Variants in KCNIP1 observed in about 807,000 individuals in gnomAD.
KCNIP1 encodes the protein A-type potassium channel modulatory protein KCNIP1.
In KCNIP1, 18 loss-of-function variants were observed where a neutral mutation model predicts 33.0. That is an observed-to-expected ratio of 0.55 (90% CI 0.38 to 0.81). The LOEUF is 0.81. Among genes scored for constraint, KCNIP1 ranks in the 30% least tolerant of loss-of-function variants. The pLI is 0.00. For missense variants in KCNIP1, 238 were observed against 271.6 expected (o/e 0.88, Z 0.87); for synonymous variants, 93 against 98.3 (o/e 0.95, Z 0.32).
chr5:170,689,206 GCTCATTTTTA>G (rs1239866718), intron 1 of KCNIP1, among the ~76,000 whole-genome samples: 3 of 152,188 alleles, frequency 2.0e-5, no homozygotes, highest in Admixed American at 1.3e-4. Context: ...TCATTCACTT[GCTCATTTTTA>G]CATGAATTGA....
chr5:170,733,702 G>A, intron 6 of KCNIP1, 134 bp from the exon 7 acceptor site: 2 of 690,822 alleles, frequency 2.9e-6, no homozygotes. Flanking sequence ...CTCATTCTCA[G>A]GGCAAAGTTG....
intron 1 of KCNIP1, among the ~76,000 whole-genome samples, chr5:170,445,962 A>G (rs902442715): frequency 1.3e-5 from 2 of 152,208 alleles, no homozygotes; most frequent in African/African-American, 4.8e-5. Flanking sequence ...TGCTAAGACA[A>G]GGGAAATTGC....
chr5:170,510,681 G>A (rs1005893166), intron 1 of KCNIP1, among the ~76,000 whole-genome samples: 7 of 152,276 alleles, frequency 4.6e-5, no homozygotes, highest in Non-Finnish European at 8.8e-5. Context: ...CTAGCTTCCC[G>A]TACCCCAGCC....
intron 1 of KCNIP1, among the ~76,000 whole-genome samples, chr5:170,496,836 C>G (rs1012091502): frequency 6.6e-6 from 1 of 152,190 alleles, no homozygotes; most frequent in Non-Finnish European, 1.5e-5. Context: ...CACCTCAGCC[C>G]TGCTCTGCTC....
chr5:170,641,775 G>T (rs1361348142), intron 1 of KCNIP1, among the ~76,000 whole-genome samples: 1 of 152,214 alleles, frequency 6.6e-6, no homozygotes, highest in East Asian at 1.9e-4. Context: ...CTACGACATT[G>T]GCTTCAAAGA....
At chr5:170,606,640 G>A (rs1435603490) in intron 1 of KCNIP1, among the ~76,000 whole-genome samples, 1 of 152,158 alleles carries the variant, frequency 6.6e-6, no homozygotes, top group Non-Finnish European at 1.5e-5. Context: ...TGGGACCCGG[G>A]AGGGGCAGGC....
At position 170,426,960 on chromosome 5, in the gene KCNIP1, G is replaced by A. The variant is rs60619557; in HGVS notation, c.88+72996G>A. On this transcript the variant is annotated intron_variant, in intron 1 of 7. Coordinates refer to the KCNIP1 transcript ENST00000377360. ...CTCCACAGGGAGAGGGAAGAGGCGCGGCCGCAGGACCAGCTCCACAGGGAG... is the reference window on the plus strand; with the variant it reads ...CTCCACAGGGAGAGGGAAGAGGCGCAGCCGCAGGACCAGCTCCACAGGGAG... Among the ~76,000 whole-genome samples, 1,263 of 152,266 alleles carry A rather than the reference G, an allele frequency of 8.3e-3. 17 individuals carry two copies. The highest frequency in any genetic ancestry group is 0.029 in the African/African-American group (1,213 of 41,566).
At chr5:170,372,361 A>G (rs1266720619) in intron 1 of KCNIP1, among the ~76,000 whole-genome samples, 3 of 152,164 alleles carry the variant, frequency 2.0e-5, no homozygotes, top group African/African-American at 4.8e-5. Context: ...AAGCCCCCCA[A>G]ACCCTATTAT....
intron 1 of KCNIP1, among the ~76,000 whole-genome samples, chr5:170,669,177 A>G (rs549777074): frequency 6.6e-6 from 1 of 152,328 alleles, no homozygotes; most frequent in South Asian, 2.1e-4. Flanking sequence ...TGAACGATGA[A>G]TGAATGAATG....
chr5:170,427,070 G>A (rs1755630947), intron 1 of KCNIP1, among the ~76,000 whole-genome samples: 1 of 152,246 alleles, frequency 6.6e-6, no homozygotes, highest in African/African-American at 2.4e-5. Flanking sequence ...TGGAGCAGGG[G>A]CTGCAGGTTC....
chr5:170,454,004 C>A (rs757279773), intron 1 of KCNIP1, among the ~76,000 whole-genome samples: 1 of 152,180 alleles, frequency 6.6e-6, no homozygotes, highest in Non-Finnish European at 1.5e-5. Flanking sequence ...ACAGCTGAAC[C>A]GTGTCCATTC....
chr5:170,390,243 C>T (rs546280427), intron 1 of KCNIP1, among the ~76,000 whole-genome samples: 3 of 152,232 alleles, frequency 2.0e-5, no homozygotes, highest in South Asian at 2.1e-4. Context: ...CAGTGGCCCA[C>T]GCCCATAATC....
At chr5:170,357,615 G>A (rs946181242) in intron 1 of KCNIP1, among the ~76,000 whole-genome samples, 2 of 152,130 alleles carry the variant, frequency 1.3e-5, no homozygotes, top group Non-Finnish European at 2.9e-5. Flanking sequence ...CTGCAGCCTC[G>A]ACTTTCTGGG....
chr5:170,532,409 A>C (rs1476989472), intron 1 of KCNIP1, among the ~76,000 whole-genome samples: 1 of 152,090 alleles, frequency 6.6e-6, no homozygotes, highest in African/African-American at 2.4e-5. Flanking sequence ...GTTGACATCC[A>C]TTGACATGTC....
intron 1 of KCNIP1, among the ~76,000 whole-genome samples, chr5:170,624,077 G>A (rs889769612): frequency 3.3e-5 from 5 of 152,314 alleles, no homozygotes; most frequent in Admixed American, 2.0e-4. Context: ...CTCAGCTCCC[G>A]GGCCCAGGTT....
intron 1 of KCNIP1, among the ~76,000 whole-genome samples, chr5:170,357,036 G>A (rs1451873334): frequency 6.6e-6 from 1 of 152,114 alleles, no homozygotes; most frequent in East Asian, 1.9e-4. Context: ...GGCTGGGTGG[G>A]CAGGCTTCTG....
In KCNIP1 at chr5:170,736,026, C is replaced by T. The variant is rs1764376288; in HGVS notation, c.*220C>T. On this transcript the variant is annotated 3_prime_UTR_variant, in exon 8 of 8. Transcript: ENST00000328939. The stretch of plus-strand genomic sequence containing the variant: ...TCCTCTTTCTTCTTCTTGAGAGAGA[C>T]AAGATGAAATTTGAGTTTGTTTTGG... The T allele has an allele frequency of 1.8e-6, 1 of 557,002 alleles. No individual in the cohort carries two copies. Among genetic ancestry groups the T allele is most frequent in the African/African-American group, 1.9e-5 (1 of 53,364 alleles). 34.5% of individuals were successfully genotyped at this position (557,002 alleles called of 1,614,324 possible).
intron 1 of KCNIP1, chr5:170,383,930 C>CCTGGGAGCCTCTAGAGGGATCCAGGA: frequency 1.4e-6 from 2 of 1,468,112 alleles, no homozygotes; most frequent in Non-Finnish European, 9.3e-7. Context: ...CCCATTATCC[C>CCTGGGAGCCTCTAGAGGGATCCAGGA]CTGGGAGCCT....
intron 1 of KCNIP1, among the ~76,000 whole-genome samples, chr5:170,425,110 T>C (rs1755583285): frequency 6.6e-6 from 1 of 152,178 alleles, no homozygotes; most frequent in African/African-American, 2.4e-5. Flanking sequence ...ACACCATAGC[T>C]CTGTTTCATT....
Sources: gnomAD v4.1 joint callset for allele counts (sites outside exome capture counted in the v4.1 genomes callset) on GRCh38, gnomAD v4.1.1 for gene constraint, MANE v1.5 for transcripts, NCBI Gene and HGNC (gene_info 2026-07-23, HGNC 2026-07-21) for gene names.